Variants in CEP120 observed in about 807,000 individuals in gnomAD.
CEP120 encodes centrosomal protein 120.
Under a neutral mutation model 126.5 loss-of-function variants are expected in CEP120, and 113 were observed. The observed-to-expected ratio is 0.89, with a 90% CI of 0.77 to 1.04. The LOEUF (loss-of-function observed/expected upper bound fraction) is 1.04. CEP120 is among the 50% of genes least tolerant of loss of function. The pLI is 0.00. For missense variants in CEP120, 1,230 were observed against 1,155.7 expected, an observed-to-expected ratio of 1.06 and a Z score of -0.93; for synonymous variants, 400 against 394.3, an observed-to-expected ratio of 1.01 and a Z score of -0.17.
chr5:123,380,033 C>G (rs755027062), intron 14 of CEP120, among the ~76,000 whole-genome samples: 17 of 151,994 alleles, frequency 1.1e-4, no homozygotes, highest in Non-Finnish European at 2.2e-4. Flanking sequence ...GAACAAGAAC[C>G]ACGTATATAT....
At chr5:123,398,938 C>T (rs1772985596) in intron 5 of CEP120, among the ~76,000 whole-genome samples, 198 bp downstream of exon 5, 1 of 151,926 alleles carries the variant, frequency 6.6e-6, no homozygotes, top group South Asian at 2.1e-4. Context: ...TATTCTCTTA[C>T]AATCAAGATC....
chr5:123,403,522 G>T (rs553773515), intron 4 of CEP120, among the ~76,000 whole-genome samples: 51 of 152,198 alleles, frequency 3.4e-4, no homozygotes, highest in African/African-American at 1.2e-3. Context: ...CGAATTGAAG[G>T]TCTAATGAGA....
chr5:123,377,885 T>C (rs1017050501), intron 15 of CEP120, among the ~76,000 whole-genome samples: 1 of 152,100 alleles, frequency 6.6e-6, no homozygotes, highest in Non-Finnish European at 1.5e-5. Flanking sequence ...CCTAATCGCA[T>C]AGAATACAGC....
intron 3 of CEP120, among the ~76,000 whole-genome samples, chr5:123,413,116 C>A (rs911902005): frequency 6.6e-6 from 1 of 151,456 alleles, no homozygotes; most frequent in African/African-American, 2.4e-5. Flanking sequence ...ACTAAAAATA[C>A]GAAAAATTAG....
intron 17 of CEP120, among the ~76,000 whole-genome samples, chr5:123,370,336 C>T (rs1770763658): frequency 6.6e-6 from 1 of 151,954 alleles, no homozygotes; most frequent in South Asian, 2.1e-4. Flanking sequence ...GATTTTGAAG[C>T]TATTCCATAG....
In CEP120 at chr5:123,364,599, C is replaced by G; in HGVS notation, c.2482-5G>C. The G allele has an allele frequency of 6.4e-7, 1 of 1,573,638 alleles. No homozygotes were observed. The highest frequency in any genetic ancestry group is 8.7e-7 in the Non-Finnish European group (1 of 1,149,304). The stretch of plus-strand genomic sequence containing the variant: ...CAACTTTCTTTCAAGTTCAACCTAA[C>G]AGTGATTAAAATCATATCAAGTGAA... On this transcript the variant is annotated splice_region_variant and splice_polypyrimidine_tract_variant and intron_variant, in intron 17 of 19. Transcript: ENST00000306467.
At chr5:123,366,975 C>G (rs539571802) in intron 17 of CEP120, among the ~76,000 whole-genome samples, 1 of 151,870 alleles carries the variant, frequency 6.6e-6, no homozygotes, top group South Asian at 2.1e-4. Flanking sequence ...CTCTGCTTAC[C>G]TAAATCTTAA....
intron 4 of CEP120, among the ~76,000 whole-genome samples, chr5:123,407,114 AAAAAAC>A (rs1315743826): frequency 6.6e-6 from 1 of 151,168 alleles, no homozygotes; most frequent in Non-Finnish European, 1.5e-5. Flanking sequence ...GTAAAAAAAA[AAAAAAC>A]AAAAAACAAA....
At chr5:123,382,237 C>T in intron 13 of CEP120, 37 bp from the exon 14 acceptor site, 1 of 1,325,654 alleles carries the variant, frequency 7.5e-7, no homozygotes, top group South Asian at 1.2e-5. Flanking sequence ...CCAAAAAACC[C>T]CAAATATGTC....
chr5:123,400,782 C>A (rs1238261858), intron 4 of CEP120: 2 of 680,118 alleles, frequency 2.9e-6, no homozygotes, highest in South Asian at 3.2e-5. Flanking sequence ...GCAGTAAACT[C>A]CCCCGCGGGT....
At chr5:123,381,364 G>T (rs1055538848) in intron 14 of CEP120, among the ~76,000 whole-genome samples, 3 of 137,762 alleles carry the variant, frequency 2.2e-5, no homozygotes, top group Non-Finnish European at 3.2e-5. Context: ...GAGAGGAGGG[G>T]GTTATAGAGA....
intron 5 of CEP120, among the ~76,000 whole-genome samples, chr5:123,397,787 T>G (rs891060801): frequency 2.0e-5 from 3 of 152,114 alleles, no homozygotes; most frequent in African/African-American, 7.2e-5. Context: ...TTTGTTCCTC[T>G]AAGAAAGTAA....
intron 16 of CEP120, 81 bp downstream of exon 16, chr5:123,377,293 T>G: frequency 7.6e-7 from 1 of 1,320,096 alleles, no homozygotes; most frequent in South Asian, 1.3e-5. Context: ...TTACCACTTT[T>G]TAGTAGTTAG....
chr5:123,376,491 T>C (rs372540537), intron 16 of CEP120, among the ~76,000 whole-genome samples: 1 of 152,126 alleles, frequency 6.6e-6, no homozygotes, highest in Admixed American at 6.5e-5. Context: ...TCTGATCTTT[T>C]TCCTATGAGC....
chr5:123,382,692 A>G (rs760913162), intron 13 of CEP120, 45 bp downstream of exon 13: 9 of 1,551,208 alleles, frequency 5.8e-6, no homozygotes, highest in Middle Eastern at 1.7e-4. Flanking sequence ...AAAAATATAC[A>G]GAGCAGACAA....
chr5:123,412,317 TC>T, intron 4 of CEP120, 81 bp downstream of exon 4: 1 of 1,335,820 alleles, frequency 7.5e-7, no homozygotes, highest in Non-Finnish European at 1.0e-6. Context: ...TGCATATATG[TC>T]CCTATAACAC....
At position 123,345,699 on chromosome 5, in the gene CEP120, C is replaced by CTAT. The variant is rs1768762967; in HGVS notation, c.*817_*819dup. On this transcript the variant is annotated 3_prime_UTR_variant, in exon 20 of 20. Transcript: ENST00000306467. The stretch of plus-strand genomic sequence containing the variant: ...GAGTAAAAAATAGTTGATTTTCACT[C>CTAT]TATTTTTTCAGCTAATGTCTTTATG... The CTAT allele has an allele frequency of 6.6e-6, 1 of 152,002 alleles. No homozygotes were observed. The highest frequency in any genetic ancestry group is 1.5e-5 in the Non-Finnish European group (1 of 68,006). 9.4% of individuals were successfully genotyped at this position (152,002 alleles called of 1,614,324 possible).
chr5:123,363,422 C>A (rs977883857), intron 18 of CEP120, among the ~76,000 whole-genome samples: 2 of 151,614 alleles, frequency 1.3e-5, no homozygotes, highest in African/African-American at 4.8e-5. Flanking sequence ...CATATATTTA[C>A]ACCTGGTATA....
At chr5:123,356,433 T>C (rs574927827) in intron 18 of CEP120, among the ~76,000 whole-genome samples, 1 of 152,114 alleles carries the variant, frequency 6.6e-6, no homozygotes, top group African/African-American at 2.4e-5. Context: ...ATTTAAGGTG[T>C]ACCTCTTACA....
Sources: gnomAD v4.1 joint callset for allele counts (sites outside exome capture counted in the v4.1 genomes callset) on GRCh38, gnomAD v4.1.1 for gene constraint, MANE v1.5 for transcripts, NCBI Gene and HGNC (gene_info 2026-07-23, HGNC 2026-07-21) for gene names.